Variants in EIF4E observed in about 807,000 individuals in gnomAD.
EIF4E encodes the protein eIF-4F 25 kDa subunit.
For missense variants in EIF4E, 113 were observed against 265.6 expected, an observed-to-expected ratio of 0.43 and a Z score of 3.99; for synonymous variants, 71 against 88.5, an observed-to-expected ratio of 0.80 and a Z score of 1.11.
At chr4:98,925,023 T>G (rs72905078) in intron 1 of EIF4E, among the ~76,000 whole-genome samples, 2,754 of 152,288 alleles carry the variant, frequency 0.018, 76 homozygotes, top group African/African-American at 0.062. Flanking sequence ...ATTTGCATAG[T>G]CTGGTTGGCA....
At chr4:98,923,381 TCA>T (rs1437054853) in intron 1 of EIF4E, among the ~76,000 whole-genome samples, 1 of 151,936 alleles carries the variant, frequency 6.6e-6, no homozygotes, top group African/African-American at 2.4e-5. Context: ...AGTGGTGTGA[TCA>T]CAGCTCACTG....
At chr4:98,891,838 G>C (rs988326568) in intron 2 of EIF4E, among the ~76,000 whole-genome samples, 1 of 152,292 alleles carries the variant, frequency 6.6e-6, no homozygotes, top group South Asian at 2.1e-4. Context: ...CAAAATGCTA[G>C]TTGTTATTAC....
At chr4:98,927,630 G>C (rs921018888) in intron 1 of EIF4E, among the ~76,000 whole-genome samples, 2 of 125,542 alleles carry the variant, frequency 1.6e-5, no homozygotes, top group African/African-American at 3.3e-5. Flanking sequence ...ACTCCAGCCT[G>C]GGCGACAAAG....
intron 3 of EIF4E, among the ~76,000 whole-genome samples, chr4:98,888,908 C>A (rs1157990447): frequency 1.3e-5 from 2 of 152,090 alleles, no homozygotes; most frequent in Non-Finnish European, 2.9e-5. Context: ...CGCCTGTAAT[C>A]CCAGCACTTT....
At chr4:98,922,489 G>A (rs1725689114) in intron 1 of EIF4E, among the ~76,000 whole-genome samples, 1 of 151,534 alleles carries the variant, frequency 6.6e-6, no homozygotes, top group South Asian at 2.1e-4. Flanking sequence ...CCAGGAGGCG[G>A]AGGTTGCAGT....
chr4:98,879,319 T>A lies in EIF4E; in HGVS notation c.*1709A>T, dbSNP rs1202378402. Reference sequence around the variant, plus strand: ...TATTTCATACAGGGTTTTTGTCAAGTTTATCAGTTTTAAAATGATTAAGTC... The same window carrying A: ...TATTTCATACAGGGTTTTTGTCAAGATTATCAGTTTTAAAATGATTAAGTC... On this transcript the variant is annotated 3_prime_UTR_variant, in exon 7 of 7. Transcript: ENST00000450253. 3 of 152,130 alleles carry A rather than the reference T, an allele frequency of 2.0e-5. No homozygotes were observed. The highest frequency in any genetic ancestry group is 4.4e-5 in the Non-Finnish European group (3 of 68,004). The allele number at this position is 152,130 out of a possible 1,614,324, so 9.4% of individuals were successfully genotyped here.
chr4:98,925,203 A>G (rs988605237), intron 1 of EIF4E, among the ~76,000 whole-genome samples: 4 of 152,242 alleles, frequency 2.6e-5, no homozygotes, highest in African/African-American at 9.6e-5. Flanking sequence ...TTATGAAATT[A>G]GCGTGGTTTC....
intron 2 of EIF4E, among the ~76,000 whole-genome samples, chr4:98,897,883 T>C (rs1724475782): frequency 6.6e-6 from 1 of 152,186 alleles, no homozygotes; most frequent in Non-Finnish European, 1.5e-5. Context: ...AGAAAATGTG[T>C]CAACATTGGA....
chr4:98,903,482 C>T (rs977765675), intron 1 of EIF4E: 28 of 455,658 alleles, frequency 6.1e-5, no homozygotes, highest in African/African-American at 5.4e-4. Flanking sequence ...ACTGGGACTA[C>T]AGATAGGCAC....
chr4:98,884,891 G>A (rs780115717), intron 6 of EIF4E, 31 bp downstream of exon 6: 15 of 1,610,624 alleles, frequency 9.3e-6, no homozygotes, highest in Middle Eastern at 2.2e-4. Context: ...TCTTAATACT[G>A]TAAAATAAGT....
intron 6 of EIF4E, among the ~76,000 whole-genome samples, chr4:98,882,074 G>A (rs1484637283): frequency 6.6e-6 from 1 of 152,158 alleles, no homozygotes; most frequent in African/African-American, 2.4e-5. Context: ...GAAGATCACA[G>A]AGAGCTTCAT....
chr4:98,887,232 A>C lies in EIF4E; in HGVS notation c.286-40T>G. On this transcript the variant is annotated intron_variant, in intron 4 of 6. Coordinates refer to ENST00000450253, the MANE Select transcript of EIF4E (RefSeq NM_001968.5). The surrounding 1 kb of genome is among the most constrained non-coding windows in gnomAD (Gnocchi z 4.0). ...GACAACAGTATTACACAACATTGTT[A>C]CCTTGACTTTGAGAGATAATCATTA... The C allele has an allele frequency of 6.3e-7, 1 of 1,584,908 alleles. No individual in the cohort carries two copies. Among genetic ancestry groups the C allele is most frequent in the Non-Finnish European group, 8.7e-7 (1 of 1,153,646 alleles).
intron 2 of EIF4E, among the ~76,000 whole-genome samples, chr4:98,897,971 T>C (rs916366908): frequency 6.6e-6 from 1 of 152,166 alleles, no homozygotes; most frequent in Non-Finnish European, 1.5e-5. Flanking sequence ...AGGTAAGAGA[T>C]CCATTCCAGA....
chr4:98,911,051 C>CT (rs560748230), intron 1 of EIF4E, among the ~76,000 whole-genome samples: 16 of 142,916 alleles, frequency 1.1e-4, no homozygotes, highest in African/African-American at 1.5e-4. Context: ...TGGATGAATC[C>CT]TTTTTTTTTT....
chr4:98,902,033 G>A, intron 1 of EIF4E, 51 bp from the exon 2 acceptor site: 1 of 1,514,320 alleles, frequency 6.6e-7, no homozygotes, highest in South Asian at 1.1e-5. Context: ...ACACATCTAT[G>A]ACAGCAATAT....
chr4:98,904,391 T>C (rs1724776065), intron 1 of EIF4E, among the ~76,000 whole-genome samples: 1 of 152,184 alleles, frequency 6.6e-6, no homozygotes, highest in African/African-American at 2.4e-5. Context: ...GAAAAACATA[T>C]TCAGTTCCTA....
intron 1 of EIF4E, among the ~76,000 whole-genome samples, chr4:98,927,654 CAAAAAAAAAAAAAAAAAAAA>C (rs774720176): frequency 2.9e-5 from 1 of 35,050 alleles, no homozygotes; most frequent in Non-Finnish European, 5.4e-5. Flanking sequence ...GACTCCATCT[CAAAAAAAAAAAAAAAAAAAA>C]AAAAAAAAAA....
rs1478564893 is a variant in EIF4E, at chr4:98,879,794, G to A, written c.*1234C>T. On this transcript the variant is annotated 3_prime_UTR_variant, in exon 7 of 7. Transcript: ENST00000450253. ...TCATGAGTATTAACATATTAAGAGAGTACATTATTTACCTAAGACTGAATG... is the reference window on the plus strand; with the variant it reads ...TCATGAGTATTAACATATTAAGAGAATACATTATTTACCTAAGACTGAATG... 2 of 152,026 alleles carry A rather than the reference G, an allele frequency of 1.3e-5. No homozygotes were observed. Among genetic ancestry groups the A allele is most frequent in the Non-Finnish European group, 1.5e-5 (1 of 67,974 alleles). The allele number at this position is 152,026 out of a possible 1,614,324, so 9.4% of individuals were successfully genotyped here.
chr4:98,891,113 T>C, intron 3 of EIF4E, 124 bp downstream of exon 3: 4 of 1,072,908 alleles, frequency 3.7e-6, no homozygotes, highest in Middle Eastern at 2.0e-4. Flanking sequence ...TGTGAGGAGA[T>C]AAAAAAATAG....
Sources: allele counts gnomAD v4.1 joint callset (sites outside exome capture counted in the v4.1 genomes callset), GRCh38; gene constraint gnomAD v4.1.1; non-coding constraint Gnocchi (gnomAD v3.1); transcripts MANE v1.5; gene names NCBI Gene and HGNC (gene_info 2026-07-23, HGNC 2026-07-21).